The following CD99 variants were observed in gnomAD, a reference collection of about 807,000 sequenced individuals.
The protein encoded by CD99 is CD99 molecule (Xg blood group).
In CD99, 19 loss-of-function variants were observed where a neutral mutation model predicts 28.4. The observed-to-expected ratio is 0.67, with a 90% confidence interval of 0.47 to 0.98. CD99 has a LOEUF of 0.98. Ranked by LOEUF, CD99 falls within the 50% of genes least tolerant of loss-of-function variation. The probability of loss-of-function intolerance (pLI) is 0.00; values close to 1 mark genes in which losing one functional copy is unlikely to be tolerated. For synonymous variants in CD99, 103 were observed against 92.1 expected, an observed-to-expected ratio of 1.12 and a Z score of -0.67; for missense variants, 283 against 248.8, an observed-to-expected ratio of 1.14 and a Z score of -0.92.
chrX:2,710,665 G>C lies in CD99; in HGVS notation c.68-3757G>C, dbSNP rs186970907. On this transcript the variant is annotated intron_variant, in intron 1 of 9. Transcript: ENST00000381192. ...TTGGAATCTCTTTGTTGGGGTGGAGGGGGTGGGGACTTGCCCTGACTTGCT... is the reference window on the plus strand; with the variant it reads ...TTGGAATCTCTTTGTTGGGGTGGAGCGGGTGGGGACTTGCCCTGACTTGCT... 4.6e-5 allele frequency among the ~76,000 whole-genome samples: 7 copies of C among 151,876 alleles called. No homozygotes were observed. The East Asian group carries it at 7.7e-4, about 17-fold the overall frequency.
chrX:2,713,504 C>A (rs2048541642), intron 1 of CD99, among the ~76,000 whole-genome samples: 1 of 152,158 alleles, frequency 6.6e-6, no homozygotes, highest in African/African-American at 2.4e-5. Context: ...CAAATACATA[C>A]ATGTGCACTG....
chrX:2,740,070 C>T (rs1373373261), intron 9 of CD99, among the ~76,000 whole-genome samples: 3 of 151,686 alleles, frequency 2.0e-5, no homozygotes, highest in Non-Finnish European at 2.9e-5. Flanking sequence ...CCAGCCTGGG[C>T]AACAAGAGCA....
At chrX:2,714,718 G>A (rs1376298611) in intron 2 of CD99, 1 of 354,294 alleles carries the variant, frequency 2.8e-6, no homozygotes, top group African/African-American at 2.1e-5. Flanking sequence ...GAGACAGGAA[G>A]TGGGGCACGT....
rs975478341 is a variant in CD99, at chrX:2,741,124, C to G, written c.*320C>G. 12 of 389,082 alleles carry G rather than the reference C, an allele frequency of 3.1e-5. No individual in the cohort carries two copies. Among genetic ancestry groups the G allele is most frequent in the African/African-American group, 2.4e-4 (12 of 49,422 alleles). 24.1% of individuals were successfully genotyped at this position (389,082 alleles called of 1,614,324 possible). On this transcript the variant is annotated 3_prime_UTR_variant, in exon 10 of 10. Coordinates refer to ENST00000381192, the MANE Select transcript of CD99 (RefSeq NM_002414.5). ...ATGTCAACCCCACCGAGGCACCCCC[C>G]CGTCCCCCAGAATCTTGGCTGTTTA...
chrX:2,725,730 C>T (rs1042676570), intron 7 of CD99, among the ~76,000 whole-genome samples: 3 of 152,176 alleles, frequency 2.0e-5, no homozygotes, highest in African/African-American at 7.2e-5. Flanking sequence ...TCTCTGGACT[C>T]AGCCTCCTGA....
intron 1 of CD99, among the ~76,000 whole-genome samples, chrX:2,708,487 C>T (rs927202684): frequency 9.2e-5 from 14 of 152,054 alleles, no homozygotes; most frequent in Admixed American, 5.2e-4. Flanking sequence ...AAGCTGAGGT[C>T]GAGGGCCCAA....
At chrX:2,722,766 T>A (rs1483359007) in intron 6 of CD99, 92 bp downstream of exon 6, 1 of 1,265,890 alleles carries the variant, frequency 7.9e-7, no homozygotes, top group Admixed American at 1.7e-5. Flanking sequence ...AACTGTCAGC[T>A]CTCTGTGAAC....
intron 1 of CD99, among the ~76,000 whole-genome samples, chrX:2,703,252 A>G (rs2047951649): frequency 6.6e-6 from 1 of 152,110 alleles, no homozygotes; most frequent in Non-Finnish European, 1.5e-5. Context: ...TGCGCTTTCA[A>G]ATATCCCCAA....
chrX:2,727,132 G>A (rs774893829), intron 8 of CD99, among the ~76,000 whole-genome samples: 17 of 152,240 alleles, frequency 1.1e-4, no homozygotes, highest in African/African-American at 3.4e-4. Flanking sequence ...GTGAGACTCC[G>A]TCTCAAAAAA....
At chrX:2,701,334 T>A (rs1180075570) in intron 1 of CD99, among the ~76,000 whole-genome samples, 2 of 152,200 alleles carry the variant, frequency 1.3e-5, no homozygotes, top group Non-Finnish European at 2.9e-5. Flanking sequence ...CAGCATAGGT[T>A]GAAGTTAAAT....
At chrX:2,712,775 G>GTA (rs1268282936) in intron 1 of CD99, among the ~76,000 whole-genome samples, 1 of 151,948 alleles carries the variant, frequency 6.6e-6, no homozygotes, top group Non-Finnish European at 1.5e-5. Context: ...GCAGCCATGA[G>GTA]TACACACACA....
intron 9 of CD99, among the ~76,000 whole-genome samples, chrX:2,739,618 T>A (rs1242902854): frequency 6.6e-6 from 1 of 151,654 alleles, no homozygotes; most frequent in Non-Finnish European, 1.5e-5. Context: ...CCCCACTAAT[T>A]TTCTTTCTGT....
chrX:2,702,395 G>A (rs2047901510), intron 1 of CD99, among the ~76,000 whole-genome samples: 1 of 151,926 alleles, frequency 6.6e-6, no homozygotes, highest in African/African-American at 2.4e-5. Flanking sequence ...ATGCTGCAGA[G>A]GGGAAGAGAT....
intron 3 of CD99, chrX:2,719,440 A>C: frequency 1.7e-6 from 1 of 577,016 alleles, no homozygotes; most frequent in South Asian, 2.6e-5. Flanking sequence ...CTAGCTTTTT[A>C]TCTGTCTCTG....
intron 1 of CD99, among the ~76,000 whole-genome samples, chrX:2,693,253 T>C (rs1436486783): frequency 6.6e-6 from 1 of 150,892 alleles, no homozygotes; most frequent in Admixed American, 6.6e-5. Flanking sequence ...ACAGCAGTGT[T>C]CATCTGGAAC....
At chrX:2,694,203 G>C (rs911190801) in intron 1 of CD99, among the ~76,000 whole-genome samples, 1 of 151,988 alleles carries the variant, frequency 6.6e-6, no homozygotes, top group African/African-American at 2.4e-5. Flanking sequence ...AAACATCTAC[G>C]GAACCGACAT....
At chrX:2,713,396 C>G (rs1165257780) in intron 1 of CD99, among the ~76,000 whole-genome samples, 1 of 126,370 alleles carries the variant, frequency 7.9e-6, no homozygotes, top group Non-Finnish European at 1.6e-5. Flanking sequence ...CATACACAAA[C>G]CCACACATAC....
At chrX:2,691,537 C>T in intron 1 of CD99, 110 bp downstream of exon 1, 3 of 1,234,364 alleles carry the variant, frequency 2.4e-6, no homozygotes, top group Non-Finnish European at 3.4e-6. Context: ...CCCGGAGCCT[C>T]CTCCCTGCCC....
intron 1 of CD99, 118 bp downstream of exon 1, chrX:2,691,545 C>A: frequency 8.8e-7 from 1 of 1,142,048 alleles, no homozygotes; most frequent in Non-Finnish European, 1.3e-6. Flanking sequence ...CTCCTCCCTG[C>A]CCGGCAGGAC....
Sources: allele counts gnomAD v4.1 joint callset (sites outside exome capture counted in the v4.1 genomes callset), GRCh38; gene constraint gnomAD v4.1.1; transcripts MANE v1.5; gene names NCBI Gene and HGNC (gene_info 2026-07-23, HGNC 2026-07-21).